Variants in RASGRF2 observed in about 807,000 individuals in gnomAD.
RASGRF2 encodes the protein ras-specific guanine nucleotide-releasing factor 2.
A neutral mutation model predicts 151.0 loss-of-function variants in RASGRF2; 76 were observed. That is an observed-to-expected ratio of 0.50 (90% CI 0.42 to 0.61). The LOEUF (loss-of-function observed/expected upper bound fraction) is 0.61, where lower values mean the gene tolerates loss of function less well. RASGRF2 is among the 20% of genes least tolerant of loss of function. The pLI, the probability that RASGRF2 is intolerant of heterozygous loss-of-function variation, is 0.00. For synonymous variants in RASGRF2, 504 were observed against 566.5 expected (o/e 0.89, Z 1.57); for missense variants, 1,148 against 1,564.6 (o/e 0.73, Z 4.49).
intron 1 of RASGRF2, among the ~76,000 whole-genome samples, chr5:81,001,453 ATC>A (rs1561547433): frequency 2.0e-5 from 3 of 152,034 alleles, no homozygotes; most frequent in African/African-American, 7.2e-5. Context: ...GGTGTGCTTT[ATC>A]CTTTTTACAT....
chr5:81,124,471 C>T lies in RASGRF2; in HGVS notation c.2596+704C>T, dbSNP rs1035471512. Among the ~76,000 whole-genome samples, 24 of 152,262 alleles carry T rather than the reference C, an allele frequency of 1.6e-4. 1 individual carries two copies. Among genetic ancestry groups the T allele is most frequent in the Admixed American group, 1.5e-3 (23 of 15,298 alleles). On this transcript the variant is annotated intron_variant, in intron 16 of 26. Coordinates refer to ENST00000265080, the MANE Select transcript of RASGRF2 (RefSeq NM_006909.3). ...GTCTCTGATATATTACCATGAGTCC[C>T]AATGTAGTCTGTATAAGTGGACTCC...
chr5:81,222,808 G>A (rs1040415568), intron 26 of RASGRF2, among the ~76,000 whole-genome samples: 4 of 152,038 alleles, frequency 2.6e-5, no homozygotes, highest in African/African-American at 9.7e-5. Context: ...CGGCAATGAA[G>A]CAATAAAAAG....
At chr5:81,076,879 A>C (rs948020183) in intron 5 of RASGRF2, among the ~76,000 whole-genome samples, 4 of 152,250 alleles carry the variant, frequency 2.6e-5, no homozygotes, top group African/African-American at 9.6e-5. Context: ...CAGTGAGATC[A>C]GTCAGGATGG....
chr5:81,085,869 A>C lies in RASGRF2; in HGVS notation c.1229A>C (p.Lys410Thr), dbSNP rs987223256. The part of the protein sequence containing the change: ...AHTPHEHVER[K>T]SLEFAKSKLE... ...ACACCCCATGAGCATGTGGAAAGGA[A>C]AAGCCTGGAGTTTGCCAAATCAAAG... Residue 410 changes from lysine (K) to threonine (T), a missense_variant, in exon 8 of 27, where the codon AAA (lysine) becomes ACA (threonine). Around this residue, in one of 5 missense-constraint regions of RASGRF2, gnomAD observed 176 missense variants for 309.6 expected, o/e 0.57. Coordinates refer to ENST00000265080, the MANE Select transcript of RASGRF2 (RefSeq NM_006909.3). 6.2e-7 allele frequency: 1 copy of C among 1,614,166 alleles called. No individual in the cohort carries two copies.
chr5:81,034,081 A>T (rs1327781691), intron 1 of RASGRF2, among the ~76,000 whole-genome samples: 1 of 152,234 alleles, frequency 6.6e-6, no homozygotes, highest in Non-Finnish European at 1.5e-5. Flanking sequence ...GAGAAATGCA[A>T]ATCAAAACCA....
At chr5:80,970,665 A>G (rs1012200818) in intron 1 of RASGRF2, among the ~76,000 whole-genome samples, 1 of 152,144 alleles carries the variant, frequency 6.6e-6, no homozygotes, top group East Asian at 1.9e-4. Flanking sequence ...TATTCTTGTG[A>G]GATAGAATCT....
At chr5:81,123,904 A>G (rs1277217020) in intron 16 of RASGRF2, 137 bp downstream of exon 16, 2 of 1,187,194 alleles carry the variant, frequency 1.7e-6, no homozygotes, top group Middle Eastern at 2.9e-4. Flanking sequence ...GGAAGCAAAT[A>G]CAGTCGGCCC....
At chr5:80,969,416 G>A (rs1173494741) in intron 1 of RASGRF2, among the ~76,000 whole-genome samples, 3 of 150,268 alleles carry the variant, frequency 2.0e-5, no homozygotes, top group South Asian at 2.1e-4. Context: ...TTACAGGCGT[G>A]AGCCACCACG....
intron 25 of RASGRF2, among the ~76,000 whole-genome samples, chr5:81,219,202 C>A (rs1458626307): frequency 6.6e-6 from 1 of 152,008 alleles, no homozygotes; most frequent in African/African-American, 2.4e-5. Context: ...CCTCAGCCTC[C>A]CAAGTAGCTG....
intron 19 of RASGRF2, among the ~76,000 whole-genome samples, chr5:81,206,060 G>C (rs1203557499): frequency 6.6e-6 from 1 of 152,092 alleles, no homozygotes; most frequent in African/African-American, 2.4e-5. Context: ...AAAATGCCTG[G>C]CTCCAATGGC....
chr5:81,130,204 AG>A (rs1753580057), intron 17 of RASGRF2, among the ~76,000 whole-genome samples: 1 of 152,224 alleles, frequency 6.6e-6, no homozygotes, highest in Non-Finnish European at 1.5e-5. Context: ...TAACAGACTC[AG>A]TCAATGTTGC....
chr5:80,983,633 T>A (rs1748384164), intron 1 of RASGRF2, among the ~76,000 whole-genome samples: 1 of 152,264 alleles, frequency 6.6e-6, no homozygotes, highest in Non-Finnish European at 1.5e-5. Flanking sequence ...TGCCAACCTC[T>A]GCTTTACATC....
intron 1 of RASGRF2, among the ~76,000 whole-genome samples, chr5:81,040,520 G>A (rs758990872): frequency 1.2e-4 from 19 of 152,208 alleles, no homozygotes; most frequent in Non-Finnish European, 2.1e-4. Flanking sequence ...TGGTAGAGAT[G>A]GGGGAGAGTT....
chr5:81,068,146 T>A lies in RASGRF2; in HGVS notation c.510T>A (p.Asp170Glu). Reference protein sequence around the residue: ...AANQLRHQLEDQDTEIERLKS... With the variant: ...AANQLRHQLEEQDTEIERLKS... ...ACCAACTCCGACATCAACTTGAAGA[T>A]CAAGACACAGAAATCGAAAGGCTTA... The change falls in exon 3 of 27, where the codon GAT becomes GAA. Residue 170 changes from aspartate (D) to glutamate (E), a missense_variant. Physicochemically the swap from Asp to Glu is conservative, Grantham distance 45 (BLOSUM62 2). Transcript: ENST00000265080. The A allele has an allele frequency of 6.2e-7, 1 of 1,613,006 alleles. No homozygotes were observed. The highest frequency in any genetic ancestry group is 8.5e-7 in the Non-Finnish European group (1 of 1,179,376).
intron 17 of RASGRF2, 75 bp from the exon 18 acceptor site, chr5:81,180,099 TA>T: frequency 1.2e-6 from 1 of 835,968 alleles, no homozygotes; most frequent in Non-Finnish European, 2.0e-6. Flanking sequence ...ACCAATGTCC[TA>T]AAATATATGA....
chr5:81,179,540 A>AGATATTATATT (rs1754864378), intron 17 of RASGRF2, among the ~76,000 whole-genome samples: 1 of 152,250 alleles, frequency 6.6e-6, no homozygotes, highest in Admixed American at 6.5e-5. Flanking sequence ...CTTATGGGGT[A>AGATATTATATT]CAATGTGATG....
intron 1 of RASGRF2, among the ~76,000 whole-genome samples, chr5:81,035,283 TA>T (rs1750443285): frequency 6.6e-6 from 1 of 152,054 alleles, no homozygotes; most frequent in Non-Finnish European, 1.5e-5. Flanking sequence ...TATGCAGCCA[TA>T]AAAAAGGATG....
At chr5:81,162,529 A>G (rs1376950473) in intron 17 of RASGRF2, among the ~76,000 whole-genome samples, 3 of 147,736 alleles carry the variant, frequency 2.0e-5, no homozygotes, top group African/African-American at 7.5e-5. Flanking sequence ...TGTATATTTT[A>G]GTAGAGACGG....
chr5:81,125,512 A>G (rs1358111358), intron 16 of RASGRF2, among the ~76,000 whole-genome samples: 2 of 152,134 alleles, frequency 1.3e-5, no homozygotes, highest in Non-Finnish European at 2.9e-5. Context: ...AGATCTCTCT[A>G]TTCTTCTTAG....
Sources: gnomAD v4.1 joint callset for allele counts (sites outside exome capture counted in the v4.1 genomes callset) on GRCh38, gnomAD v4.1.1 for gene constraint, gnomAD v4.1.1 regional missense constraint, MANE v1.5 for transcripts, NCBI Gene and HGNC (gene_info 2026-07-23, HGNC 2026-07-21) for gene names.